Variants in TRIM55 observed in about 807,000 individuals in gnomAD.
The protein encoded by TRIM55 is tripartite motif containing 55, also known as tripartite motif-containing protein 55.
A neutral mutation model predicts 60.9 loss-of-function variants in TRIM55; 50 were observed. The ratio of observed to expected loss-of-function variants is 0.82; its 90% CI spans 0.65 to 1.04. The LOEUF is 1.04. Ranked by LOEUF, TRIM55 falls within the 50% of genes least tolerant of loss-of-function variation. The pLI, the probability that TRIM55 is intolerant of heterozygous loss-of-function variation, is 0.00. For synonymous variants in TRIM55, 237 were observed against 238.1 expected (o/e 1.00, Z 0.04); for missense variants, 681 against 666.9 (o/e 1.02, Z -0.23).
intron 9 of TRIM55, among the ~76,000 whole-genome samples, chr8:66,170,961 C>T (rs1811592716): frequency 6.6e-6 from 1 of 152,200 alleles, no homozygotes; most frequent in East Asian, 1.9e-4. Flanking sequence ...GCCTTGTAGA[C>T]ATCTGTCTCT....
At chr8:66,113,419 G>C in the TRIM55 span, 8 of 436,476 alleles carry the variant, frequency 1.8e-5, no homozygotes, top group Admixed American at 4.9e-5. Context: ...TCCTCAGCAG[G>C]AGACATCCTT....
At chr8:66,153,800 C>T (rs1810572408) in intron 8 of TRIM55, among the ~76,000 whole-genome samples, 1 of 152,040 alleles carries the variant, frequency 6.6e-6, no homozygotes, top group African/African-American at 2.4e-5. Flanking sequence ...TGCCTGGGCT[C>T]CCAGTGAGTG....
intron 9 of TRIM55, among the ~76,000 whole-genome samples, chr8:66,166,102 G>A (rs1811315274): frequency 6.6e-6 from 1 of 152,048 alleles, no homozygotes; most frequent in Non-Finnish European, 1.5e-5. Flanking sequence ...CAATTTGGGG[G>A]TTTTACCAGA....
chr8:66,115,875 C>T, the TRIM55 span, among the ~76,000 whole-genome samples: 1 of 152,116 alleles, frequency 6.6e-6, no homozygotes, highest in Non-Finnish European at 1.5e-5. Context: ...GTGCCTGGCA[C>T]ATAGTAAACA....
At chr8:66,146,274 A>G (rs1334134700) in intron 4 of TRIM55, among the ~76,000 whole-genome samples, 1 of 152,196 alleles carries the variant, frequency 6.6e-6, no homozygotes, top group Non-Finnish European at 1.5e-5. Flanking sequence ...CTAACATTCA[A>G]TATAAGTTAT....
rs1811836126 is a variant in TRIM55 at position 66,174,821 on chromosome 8, T to C, written c.*228T>C. 3.1e-6 allele frequency: 1 copy of C among 319,498 alleles called. No homozygotes were observed. The highest frequency in any genetic ancestry group is 5.6e-6 in the Non-Finnish European group (1 of 177,344). The allele number at this position is 319,498 out of a possible 1,614,324, so 19.8% of individuals were successfully genotyped here. On this transcript the variant is annotated 3_prime_UTR_variant, in exon 10 of 10. Coordinates refer to ENST00000315962, the MANE Select transcript of TRIM55 (RefSeq NM_184085.2). ...GCACTGGAAATAATAAACTTGATCT[T>C]ATACAAATCTTCTATTGTGTGGAAA...
the TRIM55 span, among the ~76,000 whole-genome samples, chr8:66,117,236 G>C: frequency 6.6e-6 from 1 of 152,186 alleles, no homozygotes; most frequent in African/African-American, 2.4e-5. Flanking sequence ...CCAAGACCAA[G>C]GCAAGGGTGT....
At position 66,154,251 on chromosome 8, in the gene TRIM55, A is replaced by T; in HGVS notation, c.1441A>T (p.Lys481Ter). The change falls in exon 9 of 10, where the codon AAG (lysine) becomes TAG (stop). Residue 481 changes from lysine (K) to a stop codon, truncating the protein, a stop_gained. Transcript: ENST00000315962. LOFTEE classifies it high-confidence loss of function. ...PPGSEDSNVRKAEVAAAAASE... is the reference protein window; with the variant it reads ...PPGSEDSNVR The stretch of plus-strand genomic sequence containing the variant: ...AGGTTCTGAGGATTCGAATGTACGG[A>T]AGGCAGAAGTGGCAGCAGCCGCAGC... The T allele has an allele frequency of 6.2e-7, 1 of 1,614,160 alleles. No homozygotes were observed. Among genetic ancestry groups the T allele is most frequent in the Non-Finnish European group, 8.5e-7 (1 of 1,180,028 alleles).
chr8:66,113,448 C>T, the TRIM55 span: 18 of 452,238 alleles, frequency 4.0e-5, no homozygotes, highest in Admixed American at 2.8e-4. Context: ...GGTTCGATTC[C>T]GGCTCGAAGG....
intron 2 of TRIM55, among the ~76,000 whole-genome samples, chr8:66,132,749 G>A (rs1809237433): frequency 6.6e-6 from 1 of 152,138 alleles, no homozygotes; most frequent in East Asian, 1.9e-4. Context: ...GTTGTACAGA[G>A]GTTTCATTAT....
intron 7 of TRIM55, among the ~76,000 whole-genome samples, chr8:66,151,217 A>G (rs1810400657): frequency 6.6e-6 from 1 of 152,200 alleles, no homozygotes; most frequent in Non-Finnish European, 1.5e-5. Context: ...ATAAGTCACA[A>G]CCTGAACATA....
upstream of TRIM55, among the ~76,000 whole-genome samples, chr8:66,122,221 C>T (rs1208643413): frequency 1.3e-5 from 2 of 152,188 alleles, no homozygotes; most frequent in African/African-American, 4.8e-5. Context: ...TTAGGGCCAA[C>T]CTGCCTCTCA....
At chr8:66,147,659 G>T (rs1232713363) in intron 4 of TRIM55, among the ~76,000 whole-genome samples, 1 of 151,946 alleles carries the variant, frequency 6.6e-6, no homozygotes, top group African/African-American at 2.4e-5. Context: ...GCCGGGCAAG[G>T]TGGCATGTGC....
At chr8:66,162,483 T>G (rs965604224) in intron 9 of TRIM55, among the ~76,000 whole-genome samples, 8 of 152,094 alleles carry the variant, frequency 5.3e-5, no homozygotes, top group African/African-American at 1.4e-4. Context: ...TAGTTTTTTT[T>G]TTTTGTAATG....
At position 66,150,434 on chromosome 8, in the gene TRIM55, A is replaced by G; in HGVS notation, c.953A>G (p.Glu318Gly). The change falls in exon 7 of 10, where the codon GAA (glutamate) becomes GGA (glycine). Residue 318 changes from glutamate to glycine, a missense_variant. Glu to Gly is a moderately conservative substitution (Grantham distance 98). Coordinates refer to ENST00000315962, the MANE Select transcript of TRIM55 (RefSeq NM_184085.2). Reference sequence around the variant, plus strand: ...TTCACAGTCAACCTCAATAGAGAAGAAAAGATAATACGTGAAATTGACTTT... The same window carrying G: ...TTCACAGTCAACCTCAATAGAGAAGGAAAGATAATACGTGAAATTGACTTT... ...NHFTVNLNREEKIIREIDFYR... is the reference protein window; with the variant it reads ...NHFTVNLNREGKIIREIDFYR... The G allele has an allele frequency of 6.2e-7, 1 of 1,614,186 alleles. No individual in the cohort carries two copies.
chr8:66,158,669 T>C (rs1237574481), intron 9 of TRIM55, among the ~76,000 whole-genome samples: 2 of 152,258 alleles, frequency 1.3e-5, no homozygotes, highest in Non-Finnish European at 2.9e-5. Context: ...GGGAGGGTTA[T>C]GGACTTAGGC....
At chr8:66,144,905 C>CTA (rs747730579) in intron 4 of TRIM55, among the ~76,000 whole-genome samples, 7 of 152,180 alleles carry the variant, frequency 4.6e-5, no homozygotes, top group Non-Finnish European at 8.8e-5. Context: ...ACATTTTTTC[C>CTA]TATTCCATTT....
the TRIM55 span, among the ~76,000 whole-genome samples, chr8:66,115,716 T>C: frequency 1.3e-5 from 2 of 152,242 alleles, no homozygotes; most frequent in Non-Finnish European, 2.9e-5. Flanking sequence ...TAAAACCTGA[T>C]GGCCTTTCTT....
In TRIM55 at chr8:66,129,552, T is replaced by TG. The variant is rs1809023995; in HGVS notation, c.341+1080dup. On this transcript the variant is annotated intron_variant, in intron 2 of 9. Coordinates refer to ENST00000315962, the MANE Select transcript of TRIM55 (RefSeq NM_184085.2). Reference sequence around the variant, plus strand: ...GACAGTACCAGGATCTAGATGGGTTTGGGGAAGAATTGCTGATGACATATT... The same window carrying TG: ...GACAGTACCAGGATCTAGATGGGTTTGGGGGAAGAATTGCTGATGACATATT... Among the ~76,000 whole-genome samples the TG allele has an allele frequency of 2.0e-5, 3 of 152,350 alleles. No individual in the cohort carries two copies. The South Asian group carries it at 6.2e-4, about 32-fold the overall frequency.
Sources: allele counts gnomAD v4.1 joint callset (sites outside exome capture counted in the v4.1 genomes callset), GRCh38; gene constraint gnomAD v4.1.1; transcripts MANE v1.5; gene names NCBI Gene and HGNC (gene_info 2026-07-23, HGNC 2026-07-21).